Variants in TUBGCP6 observed in about 807,000 individuals in gnomAD.
The protein encoded by TUBGCP6 is tubulin gamma complex component 6, also known as gamma-tubulin complex component 6.
A neutral mutation model predicts 175.8 loss-of-function variants in TUBGCP6; 161 were observed. The ratio of observed to expected loss-of-function variants is 0.92; its 90% CI spans 0.81 to 1.04. The LOEUF is 1.04. Among genes scored for constraint, TUBGCP6 ranks in the 50% least tolerant of loss-of-function variants. The pLI is 0.00. For missense variants in TUBGCP6, 2,572 were observed against 2,433.0 expected, an observed-to-expected ratio of 1.06 and a Z score of -1.20; for synonymous variants, 1,173 against 1,030.5, an observed-to-expected ratio of 1.14 and a Z score of -2.65.
chr22:50,238,001 A>G (rs1350209338), intron 2 of TUBGCP6, among the ~76,000 whole-genome samples: 4 of 151,986 alleles, frequency 2.6e-5, no homozygotes, highest in Non-Finnish European at 5.9e-5. Flanking sequence ...CCATGCCTGT[A>G]ATCCCACTGT....
Position 50,227,089 on chromosome 22 carries a change from G to C in TUBGCP6, c.1413-12C>G. 1 of 1,607,396 alleles carries C rather than the reference G, an allele frequency of 6.2e-7. No homozygotes were observed. Among genetic ancestry groups the C allele is most frequent in the Non-Finnish European group, 8.5e-7 (1 of 1,177,048 alleles). On this transcript the variant is annotated splice_polypyrimidine_tract_variant and intron_variant, in intron 5 of 24. Coordinates refer to ENST00000248846, the MANE Select transcript of TUBGCP6 (RefSeq NM_020461.4). ...GCTCGGCCAGGTACCTAGACCCAGAGGCAGGATGAGACCAGGTGACCGGGC... is the reference window on the plus strand; with the variant it reads ...GCTCGGCCAGGTACCTAGACCCAGACGCAGGATGAGACCAGGTGACCGGGC...
At position 50,220,072 on chromosome 22, in the gene TUBGCP6, A is replaced by G. The variant is rs9617119; in HGVS notation, c.4109-57T>C. 648,673 of 1,581,600 alleles carry G rather than the reference A, an allele frequency of 0.41. 134,997 individuals carry two copies. The highest frequency in any genetic ancestry group is 0.45 in the African/African-American group (33,018 of 73,870). On this transcript the variant is annotated intron_variant, in intron 16 of 24. Coordinates refer to ENST00000248846, the MANE Select transcript of TUBGCP6 (RefSeq NM_020461.4). ...AGGGCCGAGTGCCTGTGGCGGGTAC[A>G]GAGCCGAGCCGGCCCTGGCTCAAGC...
In TUBGCP6 at chr22:50,233,519, C is replaced by G. The variant is rs2064720951; in HGVS notation, c.913G>C (p.Gly305Arg). Residue 305 changes from glycine to arginine, a missense_variant, in exon 3 of 25, where the codon GGC becomes CGC. Coordinates refer to ENST00000248846, the MANE Select transcript of TUBGCP6 (RefSeq NM_020461.4). ...RCWERVGCPP[G>R]HREEPYLTEA... Reference sequence around the variant, plus strand: ...GTCAGGTAAGGCTCCTCTCTGTGGCCAGGGGGGCTGCGAGGGGTGCAGAAG... The same window carrying G: ...GTCAGGTAAGGCTCCTCTCTGTGGCGAGGGGGGCTGCGAGGGGTGCAGAAG... 1 of 1,604,440 alleles carries G rather than the reference C, an allele frequency of 6.2e-7. No homozygotes were observed. Among genetic ancestry groups the G allele is most frequent in the East Asian group, 2.2e-5 (1 of 44,544 alleles).
At position 50,240,320 on chromosome 22, in the gene TUBGCP6, C is replaced by G. The variant is rs149214603; in HGVS notation, c.789G>C (p.Ala263=). ...ACTGGGAATCAGGAGTCAAGTTGGA[C>G]GCTGACTGGAATCCTTCGTCTTCCC... ...DQWEDEGFQS[A]SNLTPDSQSE... is the part of the protein sequence containing the mutation. The change falls in exon 2 of 25, where the codon GCG becomes GCC. Residue 263 remains alanine, a synonymous_variant. Transcript: ENST00000248846. 6.2e-6 allele frequency: 10 copies of G among 1,613,866 alleles called. No homozygotes were observed. The African/African-American group carries it at 1.3e-4, about 22-fold the overall frequency.
rs112991362 is a variant in TUBGCP6 at position 50,236,142 on chromosome 22, A to AT, written c.906-2617dup. Among the ~76,000 whole-genome samples, 1,385 of 147,820 alleles carry AT rather than the reference A, an allele frequency of 9.4e-3. 17 individuals carry two copies. The highest frequency in any genetic ancestry group is 0.032 in the African/African-American group (1,302 of 40,526). On this transcript the variant is annotated intron_variant, in intron 2 of 24. Transcript: ENST00000248846. ...ATGGATACAGAAAAAAAAATTCACA[A>AT]TTTTTTTTTTTGAGACGGAGTCTCG...
chr22:50,219,800 A>C lies in TUBGCP6; in HGVS notation c.4168-9T>G. 1 of 1,611,466 alleles carries C rather than the reference A, an allele frequency of 6.2e-7. No individual in the cohort carries two copies. The highest frequency in any genetic ancestry group is 8.5e-7 in the Non-Finnish European group (1 of 1,178,188). On this transcript the variant is annotated splice_polypyrimidine_tract_variant and intron_variant, in intron 17 of 24. Transcript: ENST00000248846. Reference sequence around the variant, plus strand: ...TGGGCAGCTGTGTCTTCCTAACAAAACACCAGCCTCAGAACCACCTCCCCA... The same window carrying C: ...TGGGCAGCTGTGTCTTCCTAACAAACCACCAGCCTCAGAACCACCTCCCCA...
chr22:50,224,176 C>T lies in TUBGCP6; in HGVS notation c.2235G>A (p.Leu745=), dbSNP rs1433504067. ...TCTCCAGCTCCTCCTCCAGGGACTT[C>T]AGCCTTCTCTCCCTGTCTCGGAGTT... ...ARELRDRERR[L]KSLEEELERK... The change falls in exon 13 of 25, where the codon CTG becomes CTA. Residue 745 remains leucine, a synonymous_variant. Coordinates refer to ENST00000248846, the MANE Select transcript of TUBGCP6 (RefSeq NM_020461.4). The T allele has an allele frequency of 6.2e-7, 1 of 1,613,944 alleles. No individual in the cohort carries two copies. Among genetic ancestry groups the T allele is most frequent in the Non-Finnish European group, 8.5e-7 (1 of 1,180,030 alleles).
intron 3 of TUBGCP6, among the ~76,000 whole-genome samples, chr22:50,231,938 G>A (rs967370115): frequency 2.0e-5 from 3 of 152,040 alleles, no homozygotes; most frequent in Non-Finnish European, 4.4e-5. Flanking sequence ...TGAAAAGTAG[G>A]GGCCGGGCGT....
rs746672368 is a variant in TUBGCP6, at chr22:50,220,328, C to G, written c.4031G>C (p.Gly1344Ala). 6.3e-7 allele frequency: 1 copy of G among 1,578,114 alleles called. No individual in the cohort carries two copies. The highest frequency in any genetic ancestry group is 2.3e-5 in the East Asian group (1 of 44,384). Residue 1344 changes from glycine to alanine, a missense_variant, in exon 16 of 25, where the codon GGG becomes GCG. Gly to Ala is a moderately conservative substitution (Grantham distance 60). Coordinates refer to ENST00000248846, the MANE Select transcript of TUBGCP6 (RefSeq NM_020461.4). Reference sequence around the variant, plus strand: ...GGGAGCCACGTCTGACACGTTCTCCCCCACGCTGATGCTCCCCTCCCCGCA... The same window carrying G: ...GGGAGCCACGTCTGACACGTTCTCCGCCACGCTGATGCTCCCCTCCCCGCA... ...SGCGEGSISVGENVSDVAPTQ... is the reference protein window; with the variant it reads ...SGCGEGSISVAENVSDVAPTQ...
At chr22:50,228,163 C>A in intron 4 of TUBGCP6, 135 bp from the exon 5 acceptor site, 1 of 1,075,664 alleles carries the variant, frequency 9.3e-7, no homozygotes. Context: ...AAGCAATGGG[C>A]CTCTGTGAGC....
At position 50,219,394 on chromosome 22, in the gene TUBGCP6, C is replaced by CCACGGGGAAGGCGAAGG; in HGVS notation, c.4361_4377dup (p.Asp1460ProfsTer21). On this transcript the variant is annotated frameshift_variant, in exon 19 of 25. Coordinates refer to ENST00000248846, the MANE Select transcript of TUBGCP6 (RefSeq NM_020461.4). LOFTEE classifies it high-confidence loss of function. ...TCAGCGGCAGACTGGACCTGGGGGT[C>CCACGGGGAAGGCGAAGG]CACGGGGAAGGCGAAGGCCCGGGGA... 1.3e-6 allele frequency: 2 copies of CCACGGGGAAGGCGAAGG among 1,575,440 alleles called. No individual in the cohort carries two copies. Among genetic ancestry groups the CCACGGGGAAGGCGAAGG allele is most frequent in the Non-Finnish European group, 1.7e-6 (2 of 1,161,384 alleles).
chr22:50,225,665 G>A (rs766387001), intron 10 of TUBGCP6, 129 bp downstream of exon 10: 140 of 1,149,948 alleles, frequency 1.2e-4, no homozygotes, highest in South Asian at 4.2e-4. Flanking sequence ...CCAGGCCACC[G>A]CCAGGACAGA....
rs146014314 is a variant in TUBGCP6, at chr22:50,222,574, G to C, written c.2289C>G (p.His763Gln). 9 of 1,612,198 alleles carry C rather than the reference G, an allele frequency of 5.6e-6. No homozygotes were observed. Among genetic ancestry groups the C allele is most frequent in the Non-Finnish European group, 7.6e-6 (9 of 1,180,024 alleles). Residue 763 changes from histidine (H) to glutamine (Q), a missense_variant, in exon 14 of 25, where the codon CAC becomes CAG. His to Gln is a conservative substitution (Grantham distance 24). Transcript: ENST00000248846. ...ERKARQALVD[H>Q]YSKLSAEAAR... ...CTGCCTCTGCAGAGAGCTTGCTGTA[G>C]TGGTCGACCAGTGCCTGCCTGAAGC... is the stretch of plus-strand genomic sequence containing the variant.
At chr22:50,228,123 T>C (rs2064639646) in intron 4 of TUBGCP6, 95 bp from the exon 5 acceptor site, 2 of 1,374,212 alleles carry the variant, frequency 1.5e-6, no homozygotes, top group Non-Finnish European at 1.9e-6. Flanking sequence ...CAGCGCTTTG[T>C]TTCTTGCCTC....
Position 50,244,617 on chromosome 22 carries a change from G to A in TUBGCP6, c.-158C>T, listed in dbSNP as rs574772045. 538 of 1,274,598 alleles carry A rather than the reference G, an allele frequency of 4.2e-4. 1 individual carries two copies. Among genetic ancestry groups the A allele is most frequent in the Non-Finnish European group, 2.9e-4 (277 of 954,430 alleles). 79.0% of individuals were successfully genotyped at this position (1,274,598 alleles called of 1,614,324 possible). On this transcript the variant is annotated 5_prime_UTR_variant, in exon 1 of 25. Transcript: ENST00000248846. Reference sequence around the variant, plus strand: ...TCAGAACTGGTATTTTTTAAAGGAGGTCTTGCGGTTGCTCTACTCAGAGTA... The same window carrying A: ...TCAGAACTGGTATTTTTTAAAGGAGATCTTGCGGTTGCTCTACTCAGAGTA...
rs761398439 is a variant in TUBGCP6, at chr22:50,225,874, C to A, written c.1903G>T (p.Glu635Ter). The change falls in exon 10 of 25, where the codon GAG (glutamate) becomes TAG (stop). Residue 635 changes from glutamate (E) to a stop codon, truncating the protein, a stop_gained. Transcript: ENST00000248846. LOFTEE classifies it high-confidence loss of function. The part of the protein sequence containing the change: ...SVIFSLEELK[E>*]IEKDCAVYVG... Reference sequence around the variant, plus strand: ...TAGACGGCACAGTCCTTCTCAATCTCCTTCAACTCCTCAAGGGAGAAAATC... The same window carrying A: ...TAGACGGCACAGTCCTTCTCAATCTACTTCAACTCCTCAAGGGAGAAAATC... The A allele has an allele frequency of 6.2e-7, 1 of 1,614,018 alleles. No homozygotes were observed. Among genetic ancestry groups the A allele is most frequent in the Non-Finnish European group, 8.5e-7 (1 of 1,180,004 alleles).
At chr22:50,220,156 G>A (rs773330456) in intron 16 of TUBGCP6, 95 bp downstream of exon 16, 1 of 1,548,342 alleles carries the variant, frequency 6.5e-7, no homozygotes. Context: ...GGCCTGAGGG[G>A]AACTTCACAT....
rs903231109 is a variant in TUBGCP6, at chr22:50,221,748, G to A, written c.2611C>T (p.Pro871Ser). ...PGLLTPQPLKPLAVGAGGRGL... is the reference protein window; with the variant it reads ...PGLLTPQPLKSLAVGAGGRGL... ...CTGCCACCAGCCCCCACTGCTAGAGGCTTAAGGGGCTGTGGGGTCAGCAGG... is the reference window on the plus strand; with the variant it reads ...CTGCCACCAGCCCCCACTGCTAGAGACTTAAGGGGCTGTGGGGTCAGCAGG... The change falls in exon 16 of 25, where the codon CCT (proline) becomes TCT (serine). Residue 871 changes from proline (P) to serine (S), a missense_variant. Coordinates refer to ENST00000248846, the MANE Select transcript of TUBGCP6 (RefSeq NM_020461.4). The A allele has an allele frequency of 3.3e-6, 5 of 1,516,384 alleles. No individual in the cohort carries two copies. The highest frequency in any genetic ancestry group is 1.4e-5 in the African/African-American group (1 of 71,782). The allele number at this position is 1,516,384 out of a possible 1,614,324, so 93.9% of individuals were successfully genotyped here. A position where few individuals can be genotyped will look rare whatever the true frequency, so the allele number is the denominator to read the frequency against.
At chr22:50,240,773 T>C (rs1349302825) in intron 1 of TUBGCP6, among the ~76,000 whole-genome samples, 1 of 152,180 alleles carries the variant, frequency 6.6e-6, no homozygotes, top group Admixed American at 6.5e-5. Flanking sequence ...GTGGATCACC[T>C]GAGGTCAGGA....
Sources: allele counts gnomAD v4.1 joint callset (sites outside exome capture counted in the v4.1 genomes callset), GRCh38; gene constraint gnomAD v4.1.1; transcripts MANE v1.5; gene names NCBI Gene and HGNC (gene_info 2026-07-23, HGNC 2026-07-21).